Variants in MOB4 observed in about 807,000 individuals in gnomAD.
MOB4 encodes the protein MOB-like protein phocein.
A neutral mutation model predicts 32.2 loss-of-function variants in MOB4; 4 were observed. The ratio of observed to expected loss-of-function variants is 0.12; its 90% CI spans 0.06 to 0.28. The LOEUF (loss-of-function observed/expected upper bound fraction) is 0.28. Ranked by LOEUF, MOB4 falls within the 10% of genes least tolerant of loss-of-function variation. MOB4 has a pLI of 1.00. For missense variants in MOB4, 158 were observed against 271.2 expected (o/e 0.58, Z 2.93); for synonymous variants, 88 against 88.1 (o/e 1.00, Z 0.01).
At chr2:197,544,720 T>A (rs2086962686) in intron 5 of MOB4, among the ~76,000 whole-genome samples, 1 of 149,138 alleles carries the variant, frequency 6.7e-6, no homozygotes, top group African/African-American at 2.5e-5. Flanking sequence ...ATCACTGCAC[T>A]CCAGCCTGGG....
At chr2:197,516,022 G>A (rs1292708107), upstream of MOB4, 10 of 1,502,974 alleles carry the variant, frequency 6.7e-6, no homozygotes, top group South Asian at 1.2e-5. Context: ...GCTCTGCCCC[G>A]CCCCCCGCGC....
intron 2 of MOB4, among the ~76,000 whole-genome samples, chr2:197,527,694 G>A (rs2086632478): frequency 6.6e-6 from 1 of 152,196 alleles, no homozygotes; most frequent in Non-Finnish European, 1.5e-5. Context: ...GGTGGTGAAA[G>A]TGAGCATCCT....
intron 4 of MOB4, 49 bp from the exon 5 acceptor site, chr2:197,540,302 C>G: frequency 6.8e-7 from 1 of 1,470,926 alleles, no homozygotes. Flanking sequence ...AAATGATAAG[C>G]TTTTTCATTA....
chr2:197,520,893 T>TAAAAAA (rs77272123), intron 1 of MOB4, among the ~76,000 whole-genome samples: 3 of 107,866 alleles, frequency 2.8e-5, no homozygotes, highest in Non-Finnish European at 3.8e-5. Context: ...CCTCGTCTCT[T>TAAAAAA]AAAAAAAAAA....
At chr2:197,519,565 A>G (rs1017069123) in intron 1 of MOB4, among the ~76,000 whole-genome samples, 4 of 152,246 alleles carry the variant, frequency 2.6e-5, no homozygotes, top group Admixed American at 2.0e-4. Context: ...TTTAGGGAAT[A>G]ATGACCAAAA....
At chr2:197,533,886 TG>T in intron 2 of MOB4, 1 of 642,296 alleles carries the variant, frequency 1.6e-6, no homozygotes, top group Non-Finnish European at 2.9e-6. Context: ...CATTCCCCAG[TG>T]GATTCAGATG....
intron 5 of MOB4, among the ~76,000 whole-genome samples, chr2:197,542,256 C>G (rs2086909310): frequency 6.6e-6 from 1 of 152,152 alleles, no homozygotes; most frequent in African/African-American, 2.4e-5. Flanking sequence ...TAAATTGAGT[C>G]TTAGAATTGC....
At chr2:197,534,835 G>C (rs938753816) in intron 2 of MOB4, among the ~76,000 whole-genome samples, 1 of 151,930 alleles carries the variant, frequency 6.6e-6, no homozygotes, top group Non-Finnish European at 1.5e-5. Context: ...GAGCCCCGAC[G>C]CCCGGCCTTT....
chr2:197,515,945 G>T (rs141027668), upstream of MOB4: 249 of 820,900 alleles, frequency 3.0e-4, no homozygotes, highest in East Asian at 7.8e-3. Flanking sequence ...CTTCTACCCG[G>T]ACGGCTCCCG....
At position 197,527,917 on chromosome 2, in the gene MOB4, A is replaced by G. The variant is rs141841000; in HGVS notation, c.123+4231A>G. On this transcript the variant is annotated intron_variant, in intron 2 of 7. Coordinates refer to ENST00000323303, the MANE Select transcript of MOB4 (RefSeq NM_015387.5). The stretch of plus-strand genomic sequence containing the variant: ...CTTTTTTCCGTTTGTATATTAATGT[A>G]GTATATTGCATTGTTGTTGTTTTTT... 6.7e-4 allele frequency among the ~76,000 whole-genome samples: 102 copies of G among 152,212 alleles called. 2 individuals are homozygous for G. The South Asian group carries it at 0.013, about 20-fold the overall frequency.
Position 197,524,147 on chromosome 2 carries a change from A to C in MOB4, c.123+461A>C, listed in dbSNP as rs183657586. ...AGTAGCTAGGGAGTCTGAGGTGGGGAGATCACTTGATCCTACTTCAAGGGT... is the reference window on the plus strand; with the variant it reads ...AGTAGCTAGGGAGTCTGAGGTGGGGCGATCACTTGATCCTACTTCAAGGGT... On this transcript the variant is annotated intron_variant, in intron 2 of 7. Transcript: ENST00000323303. Among the ~76,000 whole-genome samples the C allele has an allele frequency of 7.6e-4, 115 of 152,198 alleles. 1 individual carries two copies. Among genetic ancestry groups the C allele is most frequent in the African/African-American group, 2.6e-3 (109 of 41,510 alleles).
chr2:197,525,090 A>G (rs2086586489), intron 2 of MOB4, among the ~76,000 whole-genome samples: 1 of 152,226 alleles, frequency 6.6e-6, no homozygotes, highest in African/African-American at 2.4e-5. Context: ...TCACGCCTGT[A>G]ATCCCAGCAC....
rs139174413 is a variant in MOB4, at chr2:197,522,137, G to A, written c.61-1487G>A. Among the ~76,000 whole-genome samples the A allele has an allele frequency of 2.5e-3, 382 of 152,074 alleles. 2 individuals are homozygous for A. Among genetic ancestry groups the A allele is most frequent in the African/African-American group, 8.8e-3 (366 of 41,492 alleles). On this transcript the variant is annotated intron_variant, in intron 1 of 7. Coordinates refer to ENST00000323303, the MANE Select transcript of MOB4 (RefSeq NM_015387.5). ...ACATTCTTCTGCCGTGGTTTCAGCC[G>A]GTCCCTCAGTTTGGGGTCCCTGACT... is the stretch of plus-strand genomic sequence containing the variant.
chr2:197,540,052 T>C (rs1046866249), intron 3 of MOB4, 59 bp from the exon 4 acceptor site: 12 of 1,533,384 alleles, frequency 7.8e-6, no homozygotes, highest in African/African-American at 1.4e-5. Flanking sequence ...GCAGCTAATA[T>C]TCTAAAAATT....
intron 5 of MOB4, 151 bp downstream of exon 5, chr2:197,540,588 C>T: frequency 1.3e-6 from 1 of 753,578 alleles, no homozygotes. Context: ...TACTGCAGTG[C>T]TATTTTAGGA....
chr2:197,539,012 T>C (rs892402570), intron 3 of MOB4, among the ~76,000 whole-genome samples: 1 of 152,210 alleles, frequency 6.6e-6, no homozygotes, highest in African/African-American at 2.4e-5. Context: ...ATGAAGTTTT[T>C]CCACCAAATT....
chr2:197,537,857 G>A (rs2086828940), intron 3 of MOB4, among the ~76,000 whole-genome samples: 1 of 151,728 alleles, frequency 6.6e-6, no homozygotes, highest in South Asian at 2.1e-4. Context: ...TCGGCTCATT[G>A]CAACCTCCGC....
intron 3 of MOB4, among the ~76,000 whole-genome samples, chr2:197,536,294 C>G (rs541568488): frequency 4.6e-5 from 7 of 152,108 alleles, no homozygotes; most frequent in Admixed American, 3.9e-4. Flanking sequence ...GCCTCTGTCT[C>G]CCATGCTGAA....
chr2:197,545,766 G>A (rs1333166847), intron 5 of MOB4, among the ~76,000 whole-genome samples: 1 of 152,150 alleles, frequency 6.6e-6, no homozygotes, highest in East Asian at 1.9e-4. Context: ...TGTTGCTTAG[G>A]GCTGGGGGAA....
Sources: allele counts gnomAD v4.1 joint callset (sites outside exome capture counted in the v4.1 genomes callset), GRCh38; gene constraint gnomAD v4.1.1; transcripts MANE v1.5; gene names NCBI Gene and HGNC (gene_info 2026-07-23, HGNC 2026-07-21).